The following RANBP3 variants were observed in gnomAD, a reference collection of about 807,000 sequenced individuals.
RANBP3 encodes the protein RAN binding protein 3, also known as ran-binding protein 3.
Under a neutral mutation model 77.3 loss-of-function variants are expected in RANBP3, and 14 were observed. That is an observed-to-expected ratio of 0.18 (90% CI 0.12 to 0.28). The LOEUF is 0.28. RANBP3 is among the 10% of genes least tolerant of loss of function. The pLI, the probability that RANBP3 is intolerant of heterozygous loss-of-function variation, is 1.00. For synonymous variants in RANBP3, 315 were observed against 312.4 expected (o/e 1.01, Z -0.09); for missense variants, 586 against 752.3 (o/e 0.78, Z 2.59).
intron 1 of RANBP3, among the ~76,000 whole-genome samples, chr19:5,974,124 G>GA (rs750614070): frequency 3.9e-5 from 6 of 152,260 alleles, no homozygotes; most frequent in East Asian, 1.9e-4. Flanking sequence ...GGCATCTAGT[G>GA]AGTAGGTCCA....
In RANBP3 at chr19:5,959,117, G is replaced by A; in HGVS notation, c.23-1144C>T. On this transcript the variant is annotated intron_variant, in intron 1 of 16. Coordinates refer to ENST00000340578, the MANE Select transcript of RANBP3 (RefSeq NM_007322.3). The surrounding 1 kb of genome is among the most constrained non-coding windows in gnomAD (Gnocchi z 5.1). ...GGGGGCTGTGCTGGGGTCTCAAGAA[G>A]AGCTGGAAGGGAGAGCAGCAGCAGC... is the stretch of plus-strand genomic sequence containing the variant. Among the ~76,000 whole-genome samples the A allele has an allele frequency of 6.6e-6, 1 of 152,060 alleles. No individual in the cohort carries two copies. The highest frequency in any genetic ancestry group is 1.5e-5 in the Non-Finnish European group (1 of 68,010).
chr19:5,935,921 T>G, intron 5 of RANBP3: 1 of 415,420 alleles, frequency 2.4e-6, no homozygotes. Context: ...TGTGGGCCTG[T>G]AGAGGATGCT....
At position 5,924,213 on chromosome 19, in the gene RANBP3, G is replaced by A. The variant is rs142866824; in HGVS notation, c.997-299C>T. Among the ~76,000 whole-genome samples the A allele has an allele frequency of 7.9e-5, 12 of 152,374 alleles. 1 individual carries two copies. The East Asian group carries it at 2.3e-3, about 29-fold the overall frequency. On this transcript the variant is annotated intron_variant, in intron 11 of 16. Transcript: ENST00000340578. This position sits in a 1 kb window ranked among gnomAD's most constrained non-coding sequence, Gnocchi z 4.7. ...ACAGCGTGGCCACGAAGGAAGAGAA[G>A]CTGCAGAGTACTTAATGCAGCCTAA...
chr19:5,931,437 A>G lies in RANBP3; in HGVS notation c.660T>C (p.Pro220=), dbSNP rs200736156. The G allele has an allele frequency of 7.9e-4, 1,267 of 1,612,798 alleles. 2 individuals carry two copies. The highest frequency in any genetic ancestry group is 1.3e-3 in the Middle Eastern group (8 of 6,060). ...CACACACCTCATCGGCAGCTTCGGA[A>G]GGACTTCTCCATGCAGCAGTGTCAG... ...ASPDTAAWRS[P]SEAADEVCAL... The change falls in exon 8 of 17, where the codon CCT becomes CCC. Residue 220 remains proline (P), a synonymous_variant. Transcript: ENST00000340578.
Position 5,959,546 on chromosome 19 carries a change from G to T in RANBP3, c.23-1573C>A, listed in dbSNP as rs1415434686. Reference sequence around the variant, plus strand: ...TGAGTGGCGTGCGCGAGACCCAGGGGCTACAAGGGAGCAGGGGAGGTCAGA... The same window carrying T: ...TGAGTGGCGTGCGCGAGACCCAGGGTCTACAAGGGAGCAGGGGAGGTCAGA... On this transcript the variant is annotated intron_variant, in intron 1 of 16. Coordinates refer to ENST00000340578, the MANE Select transcript of RANBP3 (RefSeq NM_007322.3). The surrounding 1 kb of genome is among the most constrained non-coding windows in gnomAD (Gnocchi z 5.1). 2.6e-5 allele frequency among the ~76,000 whole-genome samples: 4 copies of T among 151,994 alleles called. No homozygotes were observed. The highest frequency in any genetic ancestry group is 1.9e-4 in the East Asian group (1 of 5,130).
intron 5 of RANBP3, chr19:5,934,546 T>C (rs2058038625): frequency 1.3e-5 from 2 of 152,182 alleles, no homozygotes; most frequent in Non-Finnish European, 2.9e-5. Context: ...TATAAAACAA[T>C]GTTAGGGCCG....
chr19:5,922,242 A>G (rs1035313250), intron 13 of RANBP3, among the ~76,000 whole-genome samples: 2 of 152,212 alleles, frequency 1.3e-5, no homozygotes, highest in Non-Finnish European at 2.9e-5. Context: ...GCAGTTTTGT[A>G]TATATAAACA....
chr19:5,948,043 CT>C (rs936048849), intron 3 of RANBP3, among the ~76,000 whole-genome samples: 1 of 152,144 alleles, frequency 6.6e-6, no homozygotes, highest in Non-Finnish European at 1.5e-5. Context: ...AGGGACAAAG[CT>C]TTCAGAAGCC....
At position 5,922,090 on chromosome 19, in the gene RANBP3, G is replaced by C. The variant is rs534372478; in HGVS notation, c.1210-769C>G. 5.3e-5 allele frequency among the ~76,000 whole-genome samples: 8 copies of C among 152,254 alleles called. No homozygotes were observed. The South Asian group carries it at 1.2e-3, about 24-fold the overall frequency. Reference sequence around the variant, plus strand: ...GGACAATGCTCTTTCTGGGGGAATGGGACAGTGTTCTTTTTGGGGGCAGAA... The same window carrying C: ...GGACAATGCTCTTTCTGGGGGAATGCGACAGTGTTCTTTTTGGGGGCAGAA... On this transcript the variant is annotated intron_variant, in intron 13 of 16. Transcript: ENST00000340578.
intron 1 of RANBP3, chr19:5,965,609 C>T: frequency 6.6e-6 from 1 of 152,314 alleles, no homozygotes; most frequent in Non-Finnish European, 1.5e-5. Flanking sequence ...GAGGTCTCTG[C>T]AGCCTACTGC....
At chr19:5,950,219 T>C (rs1399875530) in intron 3 of RANBP3, among the ~76,000 whole-genome samples, 1 of 152,156 alleles carries the variant, frequency 6.6e-6, no homozygotes, top group Non-Finnish European at 1.5e-5. Context: ...AGGGCTGTAC[T>C]CCCAGTGCAC....
Position 5,952,178 on chromosome 19 carries a change from T to C in RANBP3, c.79-582A>G, listed in dbSNP as rs1209982434. Among the ~76,000 whole-genome samples the C allele has an allele frequency of 6.6e-6, 1 of 152,204 alleles. No homozygotes were observed. The highest frequency in any genetic ancestry group is 1.9e-4 in the East Asian group (1 of 5,190). The stretch of plus-strand genomic sequence containing the variant: ...TACACCCAGGATCCAGAAAGTGCTT[T>C]CCCACCTCGGTGAGTGCAAGTGTGG... On this transcript the variant is annotated intron_variant, in intron 2 of 16. Coordinates refer to ENST00000340578, the MANE Select transcript of RANBP3 (RefSeq NM_007322.3). The surrounding 1 kb of genome is among the most constrained non-coding windows in gnomAD (Gnocchi z 4.1).
intron 1 of RANBP3, among the ~76,000 whole-genome samples, chr19:5,971,654 C>T (rs542816283): frequency 2.0e-5 from 3 of 152,320 alleles, no homozygotes; most frequent in South Asian, 2.1e-4. Context: ...TGCAGGGCCC[C>T]GGACCATCTT....
chr19:5,968,759 A>G, intron 1 of RANBP3, among the ~76,000 whole-genome samples: 1 of 152,238 alleles, frequency 6.6e-6, no homozygotes, highest in East Asian at 1.9e-4. Flanking sequence ...CGAGCAGCCA[A>G]GCCTTGCTCT....
chr19:5,972,606 G>A lies in RANBP3; in HGVS notation c.22+5455C>T, dbSNP rs575718515. 2.2e-3 allele frequency among the ~76,000 whole-genome samples: 334 copies of A among 152,286 alleles called. 3 individuals carry two copies. Among genetic ancestry groups the A allele is most frequent in the African/African-American group, 4.9e-3 (204 of 41,558 alleles). On this transcript the variant is annotated intron_variant, in intron 1 of 16. Coordinates refer to ENST00000340578, the MANE Select transcript of RANBP3 (RefSeq NM_007322.3). ...CAATACCAGCCATCTCGGCAGTTTT[G>A]TGGTCCTCTGGTAAGTTTTGAGGAA...
rs1412246762 is a variant in RANBP3, at chr19:5,921,376, CCA to C, written c.1210-57_1210-56del. ...GACCCCAGCTGGTGTCCTGCTGCAG[CCA>C]CACCCTGAGAGTCGCCCTTTAGCCT... is the stretch of plus-strand genomic sequence containing the variant. On this transcript the variant is annotated intron_variant, in intron 13 of 16. Coordinates refer to ENST00000340578, the MANE Select transcript of RANBP3 (RefSeq NM_007322.3). This position sits in a 1 kb window ranked among gnomAD's most constrained non-coding sequence, Gnocchi z 5.3. 1 of 1,603,698 alleles carries C rather than the reference CCA, an allele frequency of 6.2e-7. No individual in the cohort carries two copies. Among genetic ancestry groups the C allele is most frequent in the African/African-American group, 1.3e-5 (1 of 74,866 alleles).
intron 5 of RANBP3, among the ~76,000 whole-genome samples, chr19:5,939,727 G>A: frequency 6.6e-6 from 1 of 150,656 alleles, no homozygotes; most frequent in East Asian, 2.0e-4. Flanking sequence ...ACGCAAACAG[G>A]GCATTCAGTC....
intron 5 of RANBP3, among the ~76,000 whole-genome samples, chr19:5,937,517 G>C (rs1198843501): frequency 6.6e-6 from 1 of 152,214 alleles, no homozygotes. Flanking sequence ...CAGGGTCTCA[G>C]TCCTTTTTTC....
rs150063138 is a variant in RANBP3, at chr19:5,973,857, C to T, written c.22+4204G>A. Among the ~76,000 whole-genome samples the T allele has an allele frequency of 1.1e-3, 160 of 152,304 alleles. 1 individual carries two copies. The highest frequency in any genetic ancestry group is 3.8e-3 in the African/African-American group (159 of 41,564). ...CGAGGTGGGTGTGGTTACCATTATT[C>T]CCATTTTATTGGTGTGGAAACGGGG... On this transcript the variant is annotated intron_variant, in intron 1 of 16. Transcript: ENST00000340578.
Sources: allele counts gnomAD v4.1 joint callset (sites outside exome capture counted in the v4.1 genomes callset), GRCh38; gene constraint gnomAD v4.1.1; non-coding constraint Gnocchi (gnomAD v3.1); transcripts MANE v1.5; gene names NCBI Gene and HGNC (gene_info 2026-07-23, HGNC 2026-07-21).